Variants in EPHA6 observed in about 807,000 individuals in gnomAD.
EPHA6 encodes the protein ephrin type-A receptor 6.
Under a neutral mutation model 112.0 loss-of-function variants are expected in EPHA6, and 50 were observed. The ratio of observed to expected loss-of-function variants is 0.45; its 90% CI spans 0.36 to 0.56. EPHA6 has a LOEUF of 0.56. Ranked by LOEUF, EPHA6 falls within the 20% of genes least tolerant of loss-of-function variation. EPHA6 has a pLI of 0.00. For synonymous variants in EPHA6, 529 were observed against 490.7 expected (o/e 1.08, Z -1.03); for missense variants, 1,280 against 1,417.4 (o/e 0.90, Z 1.56).
chr3:97,627,774 G>A (rs301927), intron 13 of EPHA6, among the ~76,000 whole-genome samples: 103,876 of 151,672 alleles, frequency 0.68, 38,844 homozygotes, highest in Middle Eastern at 0.88. Context: ...CTCTTGGACA[G>A]CAATGATTCT....
chr3:97,739,225 C>A (rs2035400218), intron 16 of EPHA6, among the ~76,000 whole-genome samples: 1 of 151,974 alleles, frequency 6.6e-6, no homozygotes, highest in Non-Finnish European at 1.5e-5. Flanking sequence ...AAAAGGAGTC[C>A]AGGTGTATAA....
chr3:97,023,674 C>A (rs1427034886), intron 3 of EPHA6, among the ~76,000 whole-genome samples: 1 of 149,108 alleles, frequency 6.7e-6, no homozygotes, highest in East Asian at 2.0e-4. Context: ...TTTTTTTTTA[C>A]TATTTTACAA....
chr3:97,481,378 T>C, intron 9 of EPHA6: 1 of 1,520,038 alleles, frequency 6.6e-7, no homozygotes, highest in Non-Finnish European at 9.1e-7. Context: ...AAGGAGTTTC[T>C]ACTCCCTGAA....
chr3:96,834,736 A>G (rs1261480293), intron 1 of EPHA6, among the ~76,000 whole-genome samples: 1 of 151,988 alleles, frequency 6.6e-6, no homozygotes, highest in African/African-American at 2.4e-5. Flanking sequence ...TACTCATTCA[A>G]AGCTGCATAA....
chr3:97,618,688 T>C (rs915024523), intron 13 of EPHA6, among the ~76,000 whole-genome samples: 1 of 152,042 alleles, frequency 6.6e-6, no homozygotes, highest in Admixed American at 6.6e-5. Context: ...CCTGGACACA[T>C]GCACCCTCCC....
At chr3:97,569,558 T>A (rs1217182526) in intron 11 of EPHA6, among the ~76,000 whole-genome samples, 1 of 152,166 alleles carries the variant, frequency 6.6e-6, no homozygotes, top group East Asian at 1.9e-4. Context: ...CCTTCTTCAT[T>A]TGGGTTGTTA....
intron 10 of EPHA6, among the ~76,000 whole-genome samples, chr3:97,510,753 C>A (rs181205489): frequency 1.3e-5 from 2 of 152,210 alleles, no homozygotes; most frequent in African/African-American, 4.8e-5. Flanking sequence ...AGCCAGCAGG[C>A]AGGGATGTTT....
At chr3:97,142,800 C>G (rs991982739) in intron 3 of EPHA6, among the ~76,000 whole-genome samples, 19 of 151,800 alleles carry the variant, frequency 1.3e-4, no homozygotes, top group Admixed American at 2.0e-4. Context: ...AATAAAAACC[C>G]TCAACAAAGT....
intron 5 of EPHA6, among the ~76,000 whole-genome samples, chr3:97,300,988 A>G (rs1245071716): frequency 6.6e-6 from 1 of 152,158 alleles, no homozygotes; most frequent in Non-Finnish European, 1.5e-5. Context: ...TTCTTGCAGC[A>G]GGTGACCTCC....
intron 16 of EPHA6, among the ~76,000 whole-genome samples, chr3:97,737,061 C>G (rs1248057255): frequency 2.6e-5 from 4 of 151,946 alleles, no homozygotes; most frequent in African/African-American, 9.7e-5. Flanking sequence ...TAAGAGTTCA[C>G]CTCTAAATCA....
intron 10 of EPHA6, among the ~76,000 whole-genome samples, chr3:97,520,009 C>G (rs150743703): frequency 0.015 from 2,248 of 150,042 alleles, 71 homozygotes; most frequent in African/African-American, 0.053. Context: ...GCTCTGTTGC[C>G]CAGGCTGGAG....
chr3:97,301,369 A>G (rs1225037825), intron 5 of EPHA6, among the ~76,000 whole-genome samples: 1 of 152,120 alleles, frequency 6.6e-6, no homozygotes, highest in South Asian at 2.1e-4. Flanking sequence ...GATCCTTTTT[A>G]CCTATTTAAT....
At chr3:97,436,025 A>G (rs897677649) in intron 6 of EPHA6, among the ~76,000 whole-genome samples, 4 of 152,132 alleles carry the variant, frequency 2.6e-5, no homozygotes, top group Non-Finnish European at 5.9e-5. Context: ...TTAGTATTAT[A>G]TTACTTATAG....
At chr3:97,716,239 A>G (rs918973192) in intron 14 of EPHA6, among the ~76,000 whole-genome samples, 2 of 152,226 alleles carry the variant, frequency 1.3e-5, no homozygotes, top group Admixed American at 1.3e-4. Flanking sequence ...ATCAAGCCAC[A>G]AAAGTTTAAG....
At chr3:97,591,376 T>C (rs2093542877) in intron 11 of EPHA6, among the ~76,000 whole-genome samples, 1 of 152,178 alleles carries the variant, frequency 6.6e-6, no homozygotes, top group Non-Finnish European at 1.5e-5. Flanking sequence ...TAACTTATTT[T>C]TGGTGGAGAA....
At chr3:97,067,388 A>G (rs1216013114) in intron 3 of EPHA6, among the ~76,000 whole-genome samples, 1 of 152,074 alleles carries the variant, frequency 6.6e-6, no homozygotes. Flanking sequence ...TCAAACTTCT[A>G]TATTTTAGTT....
intron 4 of EPHA6, among the ~76,000 whole-genome samples, chr3:97,236,228 G>C (rs1323296079): frequency 2.6e-5 from 4 of 151,772 alleles, no homozygotes; most frequent in African/African-American, 9.7e-5. Context: ...GGCCAAAAGG[G>C]AAAAATAGTC....
At chr3:97,021,998 T>C (rs1490024305) in intron 3 of EPHA6, among the ~76,000 whole-genome samples, 1 of 152,180 alleles carries the variant, frequency 6.6e-6, no homozygotes, top group African/African-American at 2.4e-5. Flanking sequence ...CTGACCCTGT[T>C]CACTCATCAC....
chr3:97,242,041 A>G (rs1435342756), intron 4 of EPHA6, among the ~76,000 whole-genome samples: 1 of 151,554 alleles, frequency 6.6e-6, no homozygotes, highest in Non-Finnish European at 1.5e-5. Context: ...CATCCCCTTC[A>G]TGTTTGCCTT....
Sources: gnomAD v4.1 joint callset for allele counts (sites outside exome capture counted in the v4.1 genomes callset) on GRCh38, gnomAD v4.1.1 for gene constraint, MANE v1.5 for transcripts, NCBI Gene and HGNC (gene_info 2026-07-23, HGNC 2026-07-21) for gene names.